The following MBD5 variants were observed in gnomAD, a reference collection of about 807,000 sequenced individuals.
MBD5 encodes methyl-CpG-binding domain protein 5.
MBD5 carries 13 observed loss-of-function variants against 117.3 expected under a neutral mutation model. That is an observed-to-expected ratio of 0.11 (90% CI 0.07 to 0.18). The LOEUF (loss-of-function observed/expected upper bound fraction) is 0.18, where lower values mean the gene tolerates loss of function less well. Ranked by LOEUF, MBD5 falls within the 10% of genes least tolerant of loss-of-function variation. MBD5 has a pLI of 1.00. For synonymous variants in MBD5, 727 were observed against 766.4 expected (o/e 0.95, Z 0.85); for missense variants, 1,879 against 2,093.8 (o/e 0.90, Z 2.00).
intron 3 of MBD5, among the ~76,000 whole-genome samples, chr2:148,305,659 G>A (rs1196936294): frequency 2.0e-5 from 3 of 152,172 alleles, no homozygotes; most frequent in African/African-American, 7.2e-5. Flanking sequence ...ATCTGTTATG[G>A]TAATTTGTTT....
Position 148,424,106 on chromosome 2 carries a change from A to G in MBD5, c.-556-34097A>G, listed in dbSNP as rs1162748702. On this transcript the variant is annotated intron_variant, in intron 4 of 13. Coordinates refer to ENST00000642680, the MANE Select transcript of MBD5 (RefSeq NM_001378120.1). ...GGCAGGAGAATGGCATGAACCCAGG[A>G]GGCGGAGCTTGCGGTGAGCTGAGAT... Among the ~76,000 whole-genome samples, 9 of 136,388 alleles carry G rather than the reference A, an allele frequency of 6.6e-5. No individual in the cohort carries two copies. The East Asian group carries it at 2.3e-3, about 35-fold the overall frequency. The allele number at this position is 136,388 out of a possible 152,430, so 89.5% of individuals were successfully genotyped here.
intron 3 of MBD5, among the ~76,000 whole-genome samples, chr2:148,275,816 A>G (rs1320247550): frequency 6.6e-6 from 1 of 151,820 alleles, no homozygotes; most frequent in Non-Finnish European, 1.5e-5. Context: ...TATGAGTTCT[A>G]GGAGAATTTG....
At chr2:148,435,780 T>A (rs1706137849) in intron 4 of MBD5, among the ~76,000 whole-genome samples, 1 of 152,210 alleles carries the variant, frequency 6.6e-6, no homozygotes, top group Admixed American at 6.6e-5. Flanking sequence ...AATTTGAATG[T>A]TGGCCTCTCT....
At chr2:148,282,732 T>C (rs138038809) in intron 3 of MBD5, among the ~76,000 whole-genome samples, 75 of 151,720 alleles carry the variant, frequency 4.9e-4, no homozygotes, top group Non-Finnish European at 5.6e-4. Flanking sequence ...ATATATATAT[T>C]ACTATATATG....
intron 4 of MBD5, among the ~76,000 whole-genome samples, chr2:148,388,413 A>G (rs1383807048): frequency 1.3e-5 from 2 of 152,204 alleles, no homozygotes; most frequent in East Asian, 3.8e-4. Flanking sequence ...CTGGAAAAAT[A>G]ATTAGGATAA....
chr2:148,316,027 C>A (rs947515211), intron 3 of MBD5, among the ~76,000 whole-genome samples: 1 of 152,168 alleles, frequency 6.6e-6, no homozygotes. Flanking sequence ...GGGAAGCAGG[C>A]ATGTGTTACA....
intron 2 of MBD5, among the ~76,000 whole-genome samples, chr2:148,227,473 ATC>A (rs1488058973): frequency 4.6e-5 from 7 of 151,986 alleles, no homozygotes; most frequent in African/African-American, 1.7e-4. Flanking sequence ...ATTGGTCTAT[ATC>A]TCTGTTTTGG....
Position 148,490,011 on chromosome 2 carries a change from G to T in MBD5, c.4379G>T (p.Cys1460Phe). 2 of 1,613,952 alleles carry T rather than the reference G, an allele frequency of 1.2e-6. No homozygotes were observed. The highest frequency in any genetic ancestry group is 3.3e-5 in the Admixed American group (2 of 59,998). Residue 1460 changes from cysteine (C) to phenylalanine (F), a missense_variant, in exon 11 of 14, where the codon TGT (cysteine) becomes TTT (phenylalanine). By Grantham distance (205) the Cys-to-Phe change is radical. This residue lies in a region of MBD5 where 1,666 missense variants were observed against 1,792.2 expected (regional missense o/e 0.93). Transcript: ENST00000642680. The part of the protein sequence containing the change: ...DHPGHIHSSP[C>F]HERPNNVSTL... ...CCAGGCCATATCCACAGTAGTCCTT[G>T]TCATGAAAGGCCCAACAATGTCTCT...
intron 3 of MBD5, among the ~76,000 whole-genome samples, chr2:148,294,781 C>T (rs1377999443): frequency 6.6e-6 from 1 of 152,160 alleles, no homozygotes; most frequent in Non-Finnish European, 1.5e-5. Context: ...GCTGGGATTA[C>T]AGGCGTGAGC....
chr2:148,026,905 A>T (rs919525251), intron 1 of MBD5: 11 of 150,424 alleles, frequency 7.3e-5, no homozygotes, highest in South Asian at 2.1e-4. Context: ...ACAGAGTGAG[A>T]CCCTGTCTCT....
intron 2 of MBD5, among the ~76,000 whole-genome samples, chr2:148,182,208 T>C (rs918526253): frequency 3.3e-5 from 5 of 152,208 alleles, no homozygotes; most frequent in Admixed American, 3.3e-4. Flanking sequence ...AAGGTTCTTC[T>C]ATTTTTAGTT....
intron 8 of MBD5, 100 bp from the exon 9 acceptor site, chr2:148,483,010 C>T: frequency 2.2e-6 from 3 of 1,353,974 alleles, no homozygotes; most frequent in East Asian, 2.3e-5. Flanking sequence ...TGCCATGGAA[C>T]AAATAAATTT....
At chr2:148,229,042 G>T (rs901709855) in intron 2 of MBD5, among the ~76,000 whole-genome samples, 4 of 151,618 alleles carry the variant, frequency 2.6e-5, no homozygotes, top group African/African-American at 9.7e-5. Context: ...CAATTTTGTT[G>T]ATCTTTTCAA....
At chr2:148,320,560 T>G (rs1471004393) in intron 3 of MBD5, among the ~76,000 whole-genome samples, 1 of 152,154 alleles carries the variant, frequency 6.6e-6, no homozygotes, top group African/African-American at 2.4e-5. Context: ...TTCACTATAT[T>G]GCCCAGGGTG....
chr2:148,390,690 C>G (rs1457810560), intron 4 of MBD5, among the ~76,000 whole-genome samples: 1 of 151,796 alleles, frequency 6.6e-6, no homozygotes, highest in Non-Finnish European at 1.5e-5. Context: ...ATCCTCCCAC[C>G]TCATCCTCCC....
At chr2:148,399,319 T>C (rs1204310004) in intron 4 of MBD5, among the ~76,000 whole-genome samples, 1 of 152,150 alleles carries the variant, frequency 6.6e-6, no homozygotes, top group African/African-American at 2.4e-5. Flanking sequence ...TGTATCCTCT[T>C]TTATTTCCTT....
At chr2:148,432,081 T>C (rs1011806352) in intron 4 of MBD5, among the ~76,000 whole-genome samples, 4 of 152,164 alleles carry the variant, frequency 2.6e-5, no homozygotes, top group African/African-American at 9.7e-5. Flanking sequence ...TGGTGTCAGA[T>C]GGTATCTTCC....
At chr2:148,429,763 A>G (rs539131003) in intron 4 of MBD5, among the ~76,000 whole-genome samples, 6 of 152,246 alleles carry the variant, frequency 3.9e-5, no homozygotes, top group South Asian at 2.1e-4. Context: ...ACCAAACACC[A>G]TATGTTCTCA....
At chr2:148,149,509 C>A (rs1697577948) in intron 1 of MBD5, among the ~76,000 whole-genome samples, 1 of 149,834 alleles carries the variant, frequency 6.7e-6, no homozygotes, top group African/African-American at 2.5e-5. Flanking sequence ...CCTGAGGAAT[C>A]GCCACACTGA....
Sources: allele counts gnomAD v4.1 joint callset (sites outside exome capture counted in the v4.1 genomes callset), GRCh38; gene constraint gnomAD v4.1.1; regional missense constraint gnomAD v4.1.1; transcripts MANE v1.5; gene names NCBI Gene and HGNC (gene_info 2026-07-23, HGNC 2026-07-21).